Variants in GRTP1 observed in about 807,000 individuals in gnomAD.
GRTP1 encodes growth hormone-regulated TBC protein 1.
GRTP1 carries 56 observed loss-of-function variants against 38.1 expected under a neutral mutation model. That is an observed-to-expected ratio of 1.47 (90% confidence interval 1.19 to 1.84). The LOEUF is 1.84. Among genes scored for constraint, GRTP1 ranks in the 40% most tolerant of loss-of-function variants. The pLI, the probability that GRTP1 is intolerant of heterozygous loss-of-function variation, is 0.00. For missense variants in GRTP1, 506 were observed against 453.9 expected, an observed-to-expected ratio of 1.11 and a Z score of -1.04; for synonymous variants, 217 against 189.5, an observed-to-expected ratio of 1.14 and a Z score of -1.19.
rs57609023 is a variant in GRTP1 at position 113,327,710 on chromosome 13, G to A, written c.563-1619C>T. The stretch of plus-strand genomic sequence containing the variant: ...TGCACCTGCCACTGGGGTTCTGAGC[G>A]CTTTGCTCATCTTTCACCTTCTTAG... On this transcript the variant is annotated intron_variant, in intron 5 of 7. Transcript: ENST00000375431. Among the ~76,000 whole-genome samples the A allele has an allele frequency of 0.011, 1,609 of 152,306 alleles. 72 individuals carry two copies. In the East Asian group the frequency reaches 0.13, roughly 13 times the overall value.
chr13:113,363,751 C>T lies in GRTP1; in HGVS notation c.181+11G>A, dbSNP rs146038689. 27 of 1,524,036 alleles carry T rather than the reference C, an allele frequency of 1.8e-5. No homozygotes were observed. Among genetic ancestry groups the T allele is most frequent in the African/African-American group, 8.3e-5 (5 of 60,546 alleles). The allele number at this position is 1,524,036 out of a possible 1,614,324, so 94.4% of individuals were successfully genotyped here. A position where few individuals can be genotyped will look rare whatever the true frequency, so the allele number is the denominator to read the frequency against. ...GCGCCCTCGGGACCCACCTGCGCCCCCGGGACCCACCTGTCCGGCTCCTGG... is the reference window on the plus strand; with the variant it reads ...GCGCCCTCGGGACCCACCTGCGCCCTCGGGACCCACCTGTCCGGCTCCTGG... On this transcript the variant is annotated intron_variant, in intron 2 of 7. Coordinates refer to ENST00000375431, the MANE Select transcript of GRTP1 (RefSeq NM_024719.4).
At chr13:113,333,840 T>TTA (rs5806977) in intron 5 of GRTP1, among the ~76,000 whole-genome samples, 2,259 of 94,404 alleles carry the variant, frequency 0.024, 44 homozygotes, top group African/African-American at 0.077. Context: ...ATTTATTTAG[T>TTA]GTGTGTGTGT....
intron 2 of GRTP1, among the ~76,000 whole-genome samples, chr13:113,357,674 T>C (rs2043420614): frequency 6.6e-6 from 1 of 152,186 alleles, no homozygotes; most frequent in African/African-American, 2.4e-5. Context: ...TACTGAGGTT[T>C]GCTGTAGGTC....
At position 113,325,429 on chromosome 13, in the gene GRTP1, C is replaced by G. The variant is rs924295797; in HGVS notation, c.921+232G>C. Reference sequence around the variant, plus strand: ...AGCAGATGAGTACAGCCATTAGGACCAGGAGCAGCGTCCGCAGTGCCAGGG... The same window carrying G: ...AGCAGATGAGTACAGCCATTAGGACGAGGAGCAGCGTCCGCAGTGCCAGGG... On this transcript the variant is annotated intron_variant, in intron 7 of 7. Coordinates refer to ENST00000375431, the MANE Select transcript of GRTP1 (RefSeq NM_024719.4). The G allele has an allele frequency of 8.4e-5, 121 of 1,443,526 alleles. No individual in the cohort carries two copies. The Middle Eastern group carries it at 1.0e-3, about 12-fold the overall frequency. 89.4% of individuals were successfully genotyped at this position (1,443,526 alleles called of 1,614,324 possible).
intron 2 of GRTP1, among the ~76,000 whole-genome samples, chr13:113,357,270 C>T (rs974894424): frequency 6.6e-6 from 1 of 151,506 alleles, no homozygotes; most frequent in Non-Finnish European, 1.5e-5. Flanking sequence ...CATGGTGAAA[C>T]CTCATCTCTA....
At chr13:113,332,529 G>A (rs2042892482) in intron 5 of GRTP1, among the ~76,000 whole-genome samples, 1 of 151,974 alleles carries the variant, frequency 6.6e-6, no homozygotes, top group Admixed American at 6.6e-5. Flanking sequence ...TCCAGGGCGT[G>A]CTTCCCCAAA....
rs1327686955 is a variant in GRTP1 at position 113,324,501 on chromosome 13, A to G, written c.998T>C (p.Leu333Pro). The change falls in exon 8 of 8, where the codon CTG becomes CCG. Residue 333 changes from leucine to proline, a missense_variant. Coordinates refer to ENST00000375431, the MANE Select transcript of GRTP1 (RefSeq NM_024719.4). ...GGACAGGCACGCTCACCCCTGTGCC[A>G]GCAGCCGGGCCCTGCAGCTCTCGCG... ...KLRESCRARL[L>P]AQG The G allele has an allele frequency of 1.2e-6, 2 of 1,610,236 alleles. No individual in the cohort carries two copies. The highest frequency in any genetic ancestry group is 1.1e-5 in the South Asian group (1 of 90,056).
At chr13:113,361,576 A>G (rs1213375089) in intron 2 of GRTP1, 2 of 152,156 alleles carry the variant, frequency 1.3e-5, no homozygotes, top group Admixed American at 6.5e-5. Flanking sequence ...GCTGTAACCA[A>G]CCTCCAGGTC....
intron 7 of GRTP1, 90 bp downstream of exon 7, chr13:113,325,571 T>G: frequency 1.2e-6 from 2 of 1,602,864 alleles, no homozygotes; most frequent in Non-Finnish European, 1.7e-6. Flanking sequence ...GCCCGTCCTG[T>G]GCACCCTCCG....
Position 113,324,591 on chromosome 13 carries a change from A to AGTT in GRTP1, c.922-17_922-15dup. 1 of 1,588,854 alleles carries AGTT rather than the reference A, an allele frequency of 6.3e-7. No homozygotes were observed. The highest frequency in any genetic ancestry group is 8.6e-7 in the Non-Finnish European group (1 of 1,167,260). On this transcript the variant is annotated splice_polypyrimidine_tract_variant and intron_variant, in intron 7 of 7. Transcript: ENST00000375431. ...TGAAAATATTTTCTGGAAGGCAAAC[A>AGTT]GTTAGTTTAAAAACAAACCCAACAA...
intron 5 of GRTP1, among the ~76,000 whole-genome samples, chr13:113,330,258 T>G (rs1281805109): frequency 1.6e-5 from 2 of 127,086 alleles, no homozygotes; most frequent in Non-Finnish European, 3.2e-5. Context: ...GAAACCCAGG[T>G]GTGTGCATGG....
rs938321133 is a variant in GRTP1 at position 113,349,074 on chromosome 13, A to G, written c.465+1775T>C. Reference sequence around the variant, plus strand: ...AAGAATAGAGATGGGGTCTTGCTCTATTGCCCAGGCTGGTCTTGAACTCTT... The same window carrying G: ...AAGAATAGAGATGGGGTCTTGCTCTGTTGCCCAGGCTGGTCTTGAACTCTT... On this transcript the variant is annotated intron_variant, in intron 4 of 7. Transcript: ENST00000375431. This position sits in a 1 kb window ranked among gnomAD's most constrained non-coding sequence, Gnocchi z 5.0. Among the ~76,000 whole-genome samples, 17 of 151,882 alleles carry G rather than the reference A, an allele frequency of 1.1e-4. No homozygotes were observed. Among genetic ancestry groups the G allele is most frequent in the African/African-American group, 3.9e-4 (16 of 41,314 alleles).
chr13:113,342,054 T>C lies in GRTP1; in HGVS notation c.562+2809A>G, dbSNP rs928591224. 6.6e-6 allele frequency among the ~76,000 whole-genome samples: 1 copy of C among 152,118 alleles called. No homozygotes were observed. Among genetic ancestry groups the C allele is most frequent in the African/African-American group, 2.4e-5 (1 of 41,426 alleles). On this transcript the variant is annotated intron_variant, in intron 5 of 7. Transcript: ENST00000375431. This position sits in a 1 kb window ranked among gnomAD's most constrained non-coding sequence, Gnocchi z 4.5. ...TCAGCCTCCCTCAAGCTGATTCTTG[T>C]GCCTCAGCCTCCTAAGTAGCTGGGA...
upstream of GRTP1, chr13:113,364,137 A>T: frequency 2.1e-6 from 2 of 966,464 alleles, no homozygotes; most frequent in South Asian, 1.1e-4. Flanking sequence ...TTCCGGCGGG[A>T]CCGCGGGCGC....
In GRTP1 at chr13:113,363,925, G is replaced by C. The variant is rs2043550195; in HGVS notation, c.33-15C>G. The C allele has an allele frequency of 6.2e-7, 1 of 1,607,140 alleles. No individual in the cohort carries two copies. Among genetic ancestry groups the C allele is most frequent in the African/African-American group, 1.3e-5 (1 of 74,210 alleles). ...ACGGGTCGATCCTGCAAAACCGAGA[G>C]AAGGAGGCCGGCGTCCCCGAAGTTT... On this transcript the variant is annotated splice_polypyrimidine_tract_variant and intron_variant, in intron 1 of 7. Coordinates refer to ENST00000375431, the MANE Select transcript of GRTP1 (RefSeq NM_024719.4).
chr13:113,342,377 G>A lies in GRTP1; in HGVS notation c.562+2486C>T, dbSNP rs368279741. ...AAAAAAATTGGCCAGGCGTAGTGGCGGGCGCCTGTAGTCCCAGCTACTCGG... is the reference window on the plus strand; with the variant it reads ...AAAAAAATTGGCCAGGCGTAGTGGCAGGCGCCTGTAGTCCCAGCTACTCGG... On this transcript the variant is annotated intron_variant, in intron 5 of 7. Transcript: ENST00000375431. The surrounding 1 kb of genome is among the most constrained non-coding windows in gnomAD (Gnocchi z 4.5). Among the ~76,000 whole-genome samples, 261 of 151,882 alleles carry A rather than the reference G, an allele frequency of 1.7e-3. 1 individual carries two copies. Among genetic ancestry groups the A allele is most frequent in the African/African-American group, 4.2e-3 (173 of 41,498 alleles).
chr13:113,347,236 G>C lies in GRTP1; in HGVS notation c.466-2277C>G, dbSNP rs112203942. On this transcript the variant is annotated intron_variant, in intron 4 of 7. Transcript: ENST00000375431. ...GACCCAGGAGGACCTCTGTGGCTGA[G>C]AGCGGACCTGGGAGGACCTCTGTGG... Among the ~76,000 whole-genome samples, 67 of 27,126 alleles carry C rather than the reference G, an allele frequency of 2.5e-3. 4 individuals are homozygous for C. Among genetic ancestry groups the C allele is most frequent in the East Asian group, 0.01 (6 of 594 alleles). 17.8% of individuals were successfully genotyped at this position (27,126 alleles called of 152,430 possible). A position where few individuals can be genotyped will look rare whatever the true frequency, so the allele number is the denominator to read the frequency against.
At position 113,342,674 on chromosome 13, in the gene GRTP1, C is replaced by A. The variant is rs946189869; in HGVS notation, c.562+2189G>T. On this transcript the variant is annotated intron_variant, in intron 5 of 7. Transcript: ENST00000375431. This position sits in a 1 kb window ranked among gnomAD's most constrained non-coding sequence, Gnocchi z 4.5. ...GGATTTTAGAGCAGGATGACTGTGG[C>A]ACTGAAACGACCTACTTCGGTCACT... Among the ~76,000 whole-genome samples the A allele has an allele frequency of 1.3e-5, 2 of 152,050 alleles. No individual in the cohort carries two copies. Among genetic ancestry groups the A allele is most frequent in the African/African-American group, 2.4e-5 (1 of 41,398 alleles).
intron 5 of GRTP1, among the ~76,000 whole-genome samples, chr13:113,336,219 C>T (rs1189070317): frequency 1.3e-5 from 2 of 152,004 alleles, no homozygotes; most frequent in Admixed American, 1.3e-4. Flanking sequence ...AGTGCCGTGG[C>T]GAACGCTGGA....
Sources: allele counts gnomAD v4.1 joint callset (sites outside exome capture counted in the v4.1 genomes callset), GRCh38; gene constraint gnomAD v4.1.1; non-coding constraint Gnocchi (gnomAD v3.1); transcripts MANE v1.5; gene names NCBI Gene and HGNC (gene_info 2026-07-23, HGNC 2026-07-21).